Variants in AQP11 observed in about 807,000 individuals in gnomAD.
AQP11 encodes the protein aquaporin 11, also known as aquaporin-11.
A neutral mutation model predicts 21.1 loss-of-function variants in AQP11; 20 were observed. The observed-to-expected ratio is 0.95, with a 90% CI of 0.67 to 1.38. The LOEUF (loss-of-function observed/expected upper bound fraction) is 1.38. Among genes scored for constraint, AQP11 ranks in the 40% most tolerant of loss-of-function variants. The pLI, the probability that AQP11 is intolerant of heterozygous loss-of-function variation, is 0.00. For synonymous variants in AQP11, 167 were observed against 150.1 expected (o/e 1.11, Z -0.82); for missense variants, 339 against 340.4 (o/e 1.00, Z 0.03).
chr11:77,591,021 G>A (rs1017326330), intron 1 of AQP11: 2 of 985,276 alleles, frequency 2.0e-6, no homozygotes, highest in African/African-American at 1.7e-5. Context: ...TCGATTTAAA[G>A]CACAAGGCAC....
At chr11:77,593,975 GT>G (rs142382182) in intron 1 of AQP11, among the ~76,000 whole-genome samples, 3 of 152,266 alleles carry the variant, frequency 2.0e-5, no homozygotes, top group African/African-American at 7.2e-5. Flanking sequence ...GACAAATACT[GT>G]ATGGCTCTAC....
At chr11:77,604,737 C>A (rs1361120051) in intron 2 of AQP11, among the ~76,000 whole-genome samples, 5 of 152,088 alleles carry the variant, frequency 3.3e-5, no homozygotes, top group Non-Finnish European at 5.9e-5. Context: ...TTGTTATGCT[C>A]AATATCATAT....
intron 1 of AQP11, 94 bp from the exon 2 acceptor site, chr11:77,603,461 TA>T: frequency 2.3e-6 from 2 of 873,730 alleles, no homozygotes; most frequent in Non-Finnish European, 3.5e-6. Context: ...TAAGAATACC[TA>T]AAATAAAAGT....
intron 1 of AQP11, among the ~76,000 whole-genome samples, chr11:77,598,539 C>T (rs1382503692): frequency 1.3e-5 from 2 of 152,206 alleles, no homozygotes; most frequent in African/African-American, 4.8e-5. Context: ...TTTTTAATTA[C>T]ACAATACGTG....
chr11:77,590,115 G>A lies in AQP11; in HGVS notation c.123G>A (p.Arg41=). Residue 41 remains arginine, a synonymous_variant, in exon 1 of 3, where the codon AGG becomes AGA. Coordinates refer to ENST00000313578, the MANE Select transcript of AQP11 (RefSeq NM_173039.3). ...ARVVARQQLH[R]PVAHAFVLEF... ...TAGTCGCCCGGCAGCAGCTGCACAG[G>A]CCGGTGGCCCACGCCTTCGTCCTGG... 2 of 1,607,910 alleles carry A rather than the reference G, an allele frequency of 1.2e-6. No homozygotes were observed. The highest frequency in any genetic ancestry group is 8.5e-7 in the Non-Finnish European group (1 of 1,179,754).
chr11:77,591,768 G>A (rs560964203), intron 1 of AQP11, among the ~76,000 whole-genome samples: 4 of 152,228 alleles, frequency 2.6e-5, no homozygotes, highest in Admixed American at 2.0e-4. Flanking sequence ...CAGCTACTCG[G>A]GAATCTGAGG....
chr11:77,590,090 T>C lies in AQP11; in HGVS notation c.98T>C (p.Val33Ala), dbSNP rs1295553049. The C allele has an allele frequency of 4.4e-6, 7 of 1,607,534 alleles. No individual in the cohort carries two copies. Among genetic ancestry groups the C allele is most frequent in the Non-Finnish European group, 5.1e-6 (6 of 1,179,494 alleles). Residue 33 changes from valine (V) to alanine (A), a missense_variant, in exon 1 of 3, where the codon GTA becomes GCA. Transcript: ENST00000313578. Reference protein sequence around the residue: ...SVVLLMGLARVVARQQLHRPV... With the variant: ...SVVLLMGLARAVARQQLHRPV... ...GTGCTGCTCATGGGGCTGGCCCGCGTAGTCGCCCGGCAGCAGCTGCACAGG... is the reference window on the plus strand; with the variant it reads ...GTGCTGCTCATGGGGCTGGCCCGCGCAGTCGCCCGGCAGCAGCTGCACAGG...
chr11:77,603,133 C>T (rs972019257), intron 1 of AQP11, among the ~76,000 whole-genome samples: 2 of 152,168 alleles, frequency 1.3e-5, no homozygotes, highest in African/African-American at 4.8e-5. Flanking sequence ...TCCATTTTAC[C>T]TTTTCAATAC....
chr11:77,600,214 C>T (rs72945566), intron 1 of AQP11, among the ~76,000 whole-genome samples: 23,854 of 151,318 alleles, frequency 0.16, 2,232 homozygotes, highest in African/African-American at 0.23. Context: ...GGCGATACAC[C>T]CACCTCGCCC....
intron 1 of AQP11, among the ~76,000 whole-genome samples, chr11:77,591,553 G>A (rs1197808562): frequency 1.3e-5 from 2 of 152,148 alleles, no homozygotes; most frequent in Non-Finnish European, 2.9e-5. Context: ...TCCTAAACAC[G>A]TACTTGACCT....
At chr11:77,590,780 C>G in intron 1 of AQP11, 169 bp downstream of exon 1, 2 of 985,422 alleles carry the variant, frequency 2.0e-6, no homozygotes, top group Non-Finnish European at 2.4e-6. Flanking sequence ...AGGGCCGACA[C>G]GTAGAGCCTT....
chr11:77,607,524 C>T (rs921880325), intron 2 of AQP11, among the ~76,000 whole-genome samples: 1 of 152,098 alleles, frequency 6.6e-6, no homozygotes. Context: ...TCTTGTTTCT[C>T]ATCACAGCAG....
chr11:77,598,871 C>T (rs575227003), intron 1 of AQP11, among the ~76,000 whole-genome samples: 4 of 152,144 alleles, frequency 2.6e-5, no homozygotes, highest in Admixed American at 6.6e-5. Flanking sequence ...TCTGCCACCA[C>T]ACCTGGCTAA....
chr11:77,599,006 C>T (rs567790699), intron 1 of AQP11, among the ~76,000 whole-genome samples: 76 of 152,254 alleles, frequency 5.0e-4, no homozygotes, highest in Middle Eastern at 3.4e-3. Flanking sequence ...CTCAGCCTCC[C>T]GAGTAGCTGG....
chr11:77,599,378 T>C (rs1044084144), intron 1 of AQP11, among the ~76,000 whole-genome samples: 8 of 152,108 alleles, frequency 5.3e-5, no homozygotes, highest in Admixed American at 2.6e-4. Context: ...CATTAACTCA[T>C]GATTTACATT....
At chr11:77,592,371 A>C (rs1234544432) in intron 1 of AQP11, among the ~76,000 whole-genome samples, 2 of 152,234 alleles carry the variant, frequency 1.3e-5, no homozygotes, top group African/African-American at 4.8e-5. Context: ...TTTTAGCTAA[A>C]GCAGAAACAT....
intron 1 of AQP11, among the ~76,000 whole-genome samples, chr11:77,600,800 C>G (rs971954275): frequency 6.6e-6 from 1 of 152,096 alleles, no homozygotes; most frequent in Non-Finnish European, 1.5e-5. Context: ...ATCACGAGGT[C>G]AGGAGATCGA....
At chr11:77,607,619 C>T (rs896654563) in intron 2 of AQP11, among the ~76,000 whole-genome samples, 7 of 151,796 alleles carry the variant, frequency 4.6e-5, no homozygotes, top group African/African-American at 1.7e-4. Flanking sequence ...TATATGTGGC[C>T]TGGTGTAGTA....
chr11:77,600,533 A>G (rs1416674640), intron 1 of AQP11, among the ~76,000 whole-genome samples: 2 of 152,206 alleles, frequency 1.3e-5, no homozygotes, highest in Admixed American at 1.3e-4. Flanking sequence ...CAGGATGAGG[A>G]AACAATTTGC....
Sources: allele counts gnomAD v4.1 joint callset (sites outside exome capture counted in the v4.1 genomes callset), GRCh38; gene constraint gnomAD v4.1.1; transcripts MANE v1.5; gene names NCBI Gene and HGNC (gene_info 2026-07-23, HGNC 2026-07-21).